CNTNAP2: variants seen among roughly 807,000 people sequenced by gnomAD.
CNTNAP2 encodes the protein contactin-associated protein-like 2.
Under a neutral mutation model 155.2 loss-of-function variants are expected in CNTNAP2, and 98 were observed. The observed-to-expected ratio is 0.63, with a 90% CI of 0.54 to 0.75. The LOEUF (loss-of-function observed/expected upper bound fraction) is 0.75, where lower values mean the gene tolerates loss of function less well. Among genes scored for constraint, CNTNAP2 ranks in the 30% least tolerant of loss-of-function variants. The probability of loss-of-function intolerance (pLI) is 0.00; values close to 1 mark genes in which losing one functional copy is unlikely to be tolerated. For missense variants in CNTNAP2, 1,727 were observed against 1,688.1 expected, an observed-to-expected ratio of 1.02 and a Z score of -0.40; for synonymous variants, 651 against 631.2, an observed-to-expected ratio of 1.03 and a Z score of -0.47.
rs561253290 is a variant in CNTNAP2 at position 147,357,773 on chromosome 7, G to C, written c.1499-37836G>C. Among the ~76,000 whole-genome samples the C allele has an allele frequency of 5.3e-5, 8 of 151,992 alleles. 1 individual carries two copies. The highest frequency in any genetic ancestry group is 4.6e-4 in the Admixed American group (7 of 15,252). The stretch of plus-strand genomic sequence containing the variant: ...ATTTCCTCCCTCTAAACTTCATACT[G>C]TTAAGTAGTTTCTGGAGTGCAGGAT... On this transcript the variant is annotated intron_variant, in intron 9 of 23. Transcript: ENST00000361727.
At chr7:147,792,181 T>G (rs1326402309) in intron 13 of CNTNAP2, among the ~76,000 whole-genome samples, 1 of 152,220 alleles carries the variant, frequency 6.6e-6, no homozygotes, top group Non-Finnish European at 1.5e-5. Flanking sequence ...CAGAGTTTCT[T>G]TTTTAATAAC....
intron 13 of CNTNAP2, among the ~76,000 whole-genome samples, chr7:147,771,034 A>C (rs1285117351): frequency 6.6e-6 from 1 of 152,218 alleles, no homozygotes; most frequent in East Asian, 1.9e-4. Flanking sequence ...AGAGGACTCA[A>C]AAATTGATAT....
chr7:147,821,802 T>C (rs1160832575), intron 13 of CNTNAP2, among the ~76,000 whole-genome samples: 3 of 152,262 alleles, frequency 2.0e-5, no homozygotes, highest in Non-Finnish European at 4.4e-5. Context: ...AGCTGAACTT[T>C]AGGGAAATGA....
chr7:146,949,612 T>C (rs1261367392), intron 3 of CNTNAP2, among the ~76,000 whole-genome samples: 3 of 152,208 alleles, frequency 2.0e-5, no homozygotes, highest in African/African-American at 4.8e-5. Context: ...TAATTATTTC[T>C]GGGAAGAAAT....
intron 14 of CNTNAP2, among the ~76,000 whole-genome samples, chr7:147,919,913 A>C (rs564388184): frequency 6.6e-6 from 1 of 151,936 alleles, no homozygotes; most frequent in Non-Finnish European, 1.5e-5. Flanking sequence ...AAGCTACTTC[A>C]TTGGTGTTAA....
intron 1 of CNTNAP2, among the ~76,000 whole-genome samples, chr7:146,681,936 G>T (rs1800511968): frequency 6.6e-6 from 1 of 152,000 alleles, no homozygotes; most frequent in Non-Finnish European, 1.5e-5. Flanking sequence ...TAGTATTTCA[G>T]GTTAATGAAT....
At chr7:146,529,355 A>G (rs550415170) in intron 1 of CNTNAP2, among the ~76,000 whole-genome samples, 2 of 152,188 alleles carry the variant, frequency 1.3e-5, no homozygotes, top group Non-Finnish European at 2.9e-5. Context: ...AATGGTCAGT[A>G]TATAACTTCA....
intron 3 of CNTNAP2, among the ~76,000 whole-genome samples, chr7:146,950,101 T>G (rs1486459519): frequency 6.6e-6 from 1 of 152,054 alleles, no homozygotes; most frequent in Non-Finnish European, 1.5e-5. Flanking sequence ...AAATACAAAT[T>G]TCCTAAATCC....
chr7:146,384,876 T>C (rs1795438430), intron 1 of CNTNAP2, among the ~76,000 whole-genome samples: 1 of 152,216 alleles, frequency 6.6e-6, no homozygotes, highest in South Asian at 2.1e-4. Context: ...CACACTTCAG[T>C]AGTTTATTTG....
intron 8 of CNTNAP2, among the ~76,000 whole-genome samples, chr7:147,208,339 G>A (rs546751857): frequency 6.6e-6 from 1 of 151,974 alleles, no homozygotes; most frequent in South Asian, 2.1e-4. Context: ...AGAATTCCAG[G>A]ATATATTTTT....
intron 1 of CNTNAP2, among the ~76,000 whole-genome samples, chr7:146,653,426 G>A (rs772432754): frequency 3.6e-4 from 55 of 152,002 alleles, no homozygotes; most frequent in Non-Finnish European, 7.6e-4. Context: ...GGAGCTTCTC[G>A]GCTAGACTGT....
chr7:148,203,820 A>G (rs776028936), intron 18 of CNTNAP2, among the ~76,000 whole-genome samples: 6 of 152,226 alleles, frequency 3.9e-5, no homozygotes, highest in Non-Finnish European at 7.3e-5. Flanking sequence ...AAAACAAGCC[A>G]GAGGGGTCAT....
intron 10 of CNTNAP2, among the ~76,000 whole-genome samples, chr7:147,404,898 A>C (rs1316286711): frequency 6.6e-6 from 1 of 152,204 alleles, no homozygotes; most frequent in African/African-American, 2.4e-5. Context: ...AGTGACAAAA[A>C]CATATTCTTT....
chr7:148,419,755 T>G lies in CNTNAP2; in HGVS notation c.*4139T>G, dbSNP rs1246000003. On this transcript the variant is annotated 3_prime_UTR_variant, in exon 24 of 24. Coordinates refer to ENST00000361727, the MANE Select transcript of CNTNAP2 (RefSeq NM_014141.6). ...CACCGTGCCGAGCCAGCCCCATTTT[T>G]TAAATGATGTTTTGGTTAAGAGTGG... 6.6e-6 allele frequency: 1 copy of G among 152,198 alleles called. No homozygotes were observed. The highest frequency in any genetic ancestry group is 2.4e-5 in the African/African-American group (1 of 41,432). 9.4% of individuals were successfully genotyped at this position (152,198 alleles called of 1,614,324 possible). A position where few individuals can be genotyped will look rare whatever the true frequency, so the allele number is the denominator to read the frequency against.
rs117842535 is a variant in CNTNAP2 at position 147,423,413 on chromosome 7, T to C, written c.1670+27633T>C. Among the ~76,000 whole-genome samples, 57 of 152,310 alleles carry C rather than the reference T, an allele frequency of 3.7e-4. No homozygotes were observed. In the East Asian group the frequency reaches 8.7e-3, roughly 23 times the overall value. ...ATGAACAGACCTTGAATAATCTTCA[T>C]AATTATAGAGTACACACTACTTACA... On this transcript the variant is annotated intron_variant, in intron 10 of 23. Transcript: ENST00000361727.
chr7:146,223,443 C>G (rs1395231798), intron 1 of CNTNAP2, among the ~76,000 whole-genome samples: 1 of 152,136 alleles, frequency 6.6e-6, no homozygotes, highest in Non-Finnish European at 1.5e-5. Context: ...ATCTAGAACA[C>G]TGAGACCTGG....
chr7:146,892,504 T>C (rs1795800459), intron 3 of CNTNAP2, among the ~76,000 whole-genome samples: 1 of 152,176 alleles, frequency 6.6e-6, no homozygotes. Context: ...GTTATTTTTA[T>C]CTCAAGTCAA....
At chr7:147,416,405 G>C (rs992877557) in intron 10 of CNTNAP2, among the ~76,000 whole-genome samples, 12 of 152,136 alleles carry the variant, frequency 7.9e-5, no homozygotes, top group Middle Eastern at 3.2e-3. Flanking sequence ...ACTCCACATT[G>C]AGCCAATAAA....
chr7:146,845,404 G>C lies in CNTNAP2; in HGVS notation c.402+5500G>C, dbSNP rs1803821868. Among the ~76,000 whole-genome samples the C allele has an allele frequency of 2.6e-5, 4 of 152,114 alleles. No homozygotes were observed. In the South Asian group the frequency reaches 8.3e-4, roughly 31 times the overall value. On this transcript the variant is annotated intron_variant, in intron 3 of 23. Transcript: ENST00000361727. ...CTTGGAGATCTGACTTTATTTCTCT[G>C]TTCCTGAAATCCTAATCTGAGAAGT...
Sources: gnomAD v4.1 joint callset for allele counts (sites outside exome capture counted in the v4.1 genomes callset) on GRCh38, gnomAD v4.1.1 for gene constraint, MANE v1.5 for transcripts, NCBI Gene and HGNC (gene_info 2026-07-23, HGNC 2026-07-21) for gene names.